Variants in CTTNBP2 observed in about 807,000 individuals in gnomAD.
CTTNBP2 encodes the protein cortactin-binding protein 2.
A neutral mutation model predicts 156.9 loss-of-function variants in CTTNBP2; 108 were observed. The ratio of observed to expected loss-of-function variants is 0.69; its 90% CI spans 0.59 to 0.81. The LOEUF (loss-of-function observed/expected upper bound fraction) is 0.81, where lower values mean the gene tolerates loss of function less well. Ranked by LOEUF, CTTNBP2 falls within the 30% of genes least tolerant of loss-of-function variation. The pLI, the probability that CTTNBP2 is intolerant of heterozygous loss-of-function variation, is 0.00. For missense variants in CTTNBP2, 1,924 were observed against 2,035.4 expected (o/e 0.95, Z 1.05); for synonymous variants, 767 against 751.8 (o/e 1.02, Z -0.33).
chr7:117,763,555 C>CTTTTTTTTTTT (rs767309488), intron 9 of CTTNBP2, among the ~76,000 whole-genome samples: 1 of 103,456 alleles, frequency 9.7e-6, no homozygotes, highest in Non-Finnish European at 1.9e-5. Flanking sequence ...TCTTCTTCTT[C>CTTTTTTTTTTT]TTTTTTTTTT....
intron 2 of CTTNBP2, among the ~76,000 whole-genome samples, chr7:117,811,459 C>A (rs1170962406): frequency 6.6e-6 from 1 of 152,078 alleles, no homozygotes; most frequent in Non-Finnish European, 1.5e-5. Flanking sequence ...TGCCACCACA[C>A]CCAGCTAATT....
intron 2 of CTTNBP2, among the ~76,000 whole-genome samples, chr7:117,826,826 CATT>C (rs71984775): frequency 0.14 from 19,424 of 139,938 alleles, 1,434 homozygotes; most frequent in East Asian, 0.3. Flanking sequence ...TTCTACTGAG[CATT>C]ATTATTATTA....
rs1390064386 is a variant in CTTNBP2, at chr7:117,791,626, C to T, written c.1570G>A (p.Val524Ile). ...TGAGTCTTTAAACTGGTCCGACCAA[C>T]TGGAGGGTGGGTGCCAACATCCCCT... ...PTGDVGTHPP[V>I]GRTSLKTHGV... Residue 524 changes from valine (V) to isoleucine (I), a missense_variant, in exon 4 of 23, where the codon GTT becomes ATT. By Grantham distance (29) the Val-to-Ile change is conservative. Transcript: ENST00000160373. The T allele has an allele frequency of 6.2e-7, 1 of 1,614,150 alleles. No individual in the cohort carries two copies. The highest frequency in any genetic ancestry group is 1.1e-5 in the South Asian group (1 of 91,076).
intron 2 of CTTNBP2, among the ~76,000 whole-genome samples, chr7:117,822,498 T>TA (rs2117033673): frequency 1.3e-5 from 2 of 152,334 alleles, no homozygotes; most frequent in African/African-American, 4.8e-5. Context: ...CTTTTCAATA[T>TA]AAACCTTTAG....
chr7:117,720,755 C>T (rs555172612), intron 20 of CTTNBP2, among the ~76,000 whole-genome samples: 1 of 152,292 alleles, frequency 6.6e-6, no homozygotes, highest in East Asian at 1.9e-4. Flanking sequence ...TAATGACTAT[C>T]TAAAAGTTCA....
rs1222946442 is a variant in CTTNBP2, at chr7:117,791,718, G to C, written c.1478C>G (p.Thr493Ser). The C allele has an allele frequency of 1.2e-6, 2 of 1,614,172 alleles. No homozygotes were observed. Among genetic ancestry groups the C allele is most frequent in the African/African-American group, 2.7e-5 (2 of 75,060 alleles). The change falls in exon 4 of 23, where the codon ACC becomes AGC. Residue 493 changes from threonine (T) to serine (S), a missense_variant. Transcript: ENST00000160373. ...GCTTGTAAATCTTGACAGTGCTTGG[G>C]TCACAGTATTCCGAGCTAGTTGTTT... Reference protein sequence around the residue: ...VAKQLARNTVTQALSRFTSPQ... With the variant: ...VAKQLARNTVSQALSRFTSPQ...
At chr7:117,737,539 G>T (rs548752274) in intron 14 of CTTNBP2, among the ~76,000 whole-genome samples, 25 of 152,250 alleles carry the variant, frequency 1.6e-4, no homozygotes, top group African/African-American at 6.0e-4. Context: ...GCTATGGCAT[G>T]CCAGAAGTGA....
chr7:117,775,974 A>C (rs1008379692), intron 8 of CTTNBP2, among the ~76,000 whole-genome samples: 2 of 152,196 alleles, frequency 1.3e-5, no homozygotes, highest in South Asian at 4.1e-4. Flanking sequence ...TCATTTTGTA[A>C]AACACCAAAG....
chr7:117,840,929 A>G (rs1438147434), intron 2 of CTTNBP2, among the ~76,000 whole-genome samples: 2 of 152,334 alleles, frequency 1.3e-5, no homozygotes, highest in East Asian at 1.9e-4. Flanking sequence ...GGACCCCTTA[A>G]TGCTATTAAA....
At chr7:117,727,392 A>C (rs1795150376) in intron 17 of CTTNBP2, among the ~76,000 whole-genome samples, 1 of 151,998 alleles carries the variant, frequency 6.6e-6, no homozygotes, top group Admixed American at 6.6e-5. Context: ...ATGGGGTCTC[A>C]CTACGTTGCC....
At chr7:117,832,473 A>T (rs1261164071) in intron 2 of CTTNBP2, among the ~76,000 whole-genome samples, 1 of 152,188 alleles carries the variant, frequency 6.6e-6, no homozygotes, top group Admixed American at 6.5e-5. Flanking sequence ...ATAATACTAC[A>T]GCCCAAACCC....
rs1343166613 is a variant in CTTNBP2 at position 117,791,379 on chromosome 7, G to A, written c.1817C>T (p.Ser606Leu). The A allele has an allele frequency of 1.9e-5, 31 of 1,614,174 alleles. No individual in the cohort carries two copies. The highest frequency in any genetic ancestry group is 2.4e-5 in the Non-Finnish European group (28 of 1,180,034). Residue 606 changes from serine to leucine, a missense_variant, in exon 4 of 23, where the codon TCA becomes TTA. Coordinates refer to ENST00000160373, the MANE Select transcript of CTTNBP2 (RefSeq NM_033427.3). Reference protein sequence around the residue: ...RVINEENLPKSSSPQLPPKPS... With the variant: ...RVINEENLPKLSSPQLPPKPS... ...TTTTGGTGGCAGCTGAGGGGAGGATGACTTAGGAAGGTTCTCCTCATTGAT... is the reference window on the plus strand; with the variant it reads ...TTTTGGTGGCAGCTGAGGGGAGGATAACTTAGGAAGGTTCTCCTCATTGAT...
Position 117,791,945 on chromosome 7 carries a change from A to T in CTTNBP2, c.1251T>A (p.Pro417=), listed in dbSNP as rs1442530567. 18 of 1,613,904 alleles carry T rather than the reference A, an allele frequency of 1.1e-5. No individual in the cohort carries two copies. In the East Asian group the frequency reaches 3.6e-4, roughly 32 times the overall value. Residue 417 remains proline, a synonymous_variant, in exon 4 of 23, where the codon CCT becomes CCA. Coordinates refer to ENST00000160373, the MANE Select transcript of CTTNBP2 (RefSeq NM_033427.3). ...GCATAGGTGGAGCTTGCGAGTTCTGAGGAGCTATGCCTGGTGTTTGAGCGG... is the reference window on the plus strand; with the variant it reads ...GCATAGGTGGAGCTTGCGAGTTCTGTGGAGCTATGCCTGGTGTTTGAGCGG... ...PPTAQTPGIA[P]QNSQAPPMHS...
Position 117,864,875 on chromosome 7 carries a change from CAT to C in CTTNBP2, c.82-3561_82-3560del, listed in dbSNP as rs1227355890. On this transcript the variant is annotated intron_variant, in intron 1 of 22. Coordinates refer to ENST00000160373, the MANE Select transcript of CTTNBP2 (RefSeq NM_033427.3). ...CATATATATTCATTCAATATATATT[CAT>C]ATATATTCATTCAATATATATTCAT... Among the ~76,000 whole-genome samples, 7 of 135,750 alleles carry C rather than the reference CAT, an allele frequency of 5.2e-5. No homozygotes were observed. In the South Asian group the frequency reaches 1.4e-3, roughly 27 times the overall value. 89.1% of individuals were successfully genotyped at this position (135,750 alleles called of 152,430 possible).
intron 22 of CTTNBP2, chr7:117,715,611 A>G (rs1215750509): frequency 6.6e-6 from 1 of 152,036 alleles, no homozygotes; most frequent in Non-Finnish European, 1.5e-5. Context: ...CTGTTGATTT[A>G]AATATGTATA....
At chr7:117,818,361 C>T (rs115206692) in intron 2 of CTTNBP2, among the ~76,000 whole-genome samples, 2,717 of 152,258 alleles carry the variant, frequency 0.018, 82 homozygotes, top group African/African-American at 0.06. Flanking sequence ...TCAGCTCTAA[C>T]CCGCTCAACA....
intron 20 of CTTNBP2, among the ~76,000 whole-genome samples, chr7:117,720,363 G>A (rs1472171077): frequency 6.6e-6 from 1 of 152,094 alleles, no homozygotes; most frequent in African/African-American, 2.4e-5. Flanking sequence ...ATATTTGTAA[G>A]CTGAAATAGT....
At chr7:117,809,359 C>G (rs1318717532) in intron 3 of CTTNBP2, among the ~76,000 whole-genome samples, 1 of 152,024 alleles carries the variant, frequency 6.6e-6, no homozygotes, top group African/African-American at 2.4e-5. Flanking sequence ...TTTTATAACA[C>G]AATATAAAGT....
intron 8 of CTTNBP2, among the ~76,000 whole-genome samples, chr7:117,773,504 G>A (rs947771526): frequency 2.6e-5 from 4 of 152,098 alleles, no homozygotes; most frequent in Non-Finnish European, 4.4e-5. Flanking sequence ...TGAATGTCTG[G>A]AGGACAAGTA....
Sources: gnomAD v4.1 joint callset for allele counts (sites outside exome capture counted in the v4.1 genomes callset) on GRCh38, gnomAD v4.1.1 for gene constraint, MANE v1.5 for transcripts, NCBI Gene and HGNC (gene_info 2026-07-23, HGNC 2026-07-21) for gene names.